Variants in CACNA1C observed in about 807,000 individuals in gnomAD.
CACNA1C encodes calcium voltage-gated channel subunit alpha1 C, also known as voltage-dependent L-type calcium channel subunit alpha-1C.
A neutral mutation model predicts 229.0 loss-of-function variants in CACNA1C; 30 were observed. The ratio of observed to expected loss-of-function variants is 0.13; its 90% confidence interval spans 0.10 to 0.18. The LOEUF is 0.18. Among genes scored for constraint, CACNA1C ranks in the 10% least tolerant of loss-of-function variants. The pLI is 1.00. For synonymous variants in CACNA1C, 1,114 were observed against 1,132.5 expected, an observed-to-expected ratio of 0.98 and a Z score of 0.33; for missense variants, 1,658 against 2,845.0, an observed-to-expected ratio of 0.58 and a Z score of 9.49.
chr12:2,642,358 A>G lies in CACNA1C; in HGVS notation c.3913-6117A>G, dbSNP rs572097814. ...GTGTAAGGGTGGGAGGAAGTTGCCT[A>G]GCACACCTTTTGTTGTGGCCAGACA... is the stretch of plus-strand genomic sequence containing the variant. On this transcript the variant is annotated intron_variant, in intron 30 of 46. Coordinates refer to ENST00000399655, the MANE Select transcript of CACNA1C (RefSeq NM_000719.7). 1.2e-3 allele frequency among the ~76,000 whole-genome samples: 189 copies of G among 152,244 alleles called. 1 individual carries two copies. Among genetic ancestry groups the G allele is most frequent in the African/African-American group, 4.4e-3 (181 of 41,530 alleles).
chr12:2,652,045 C>T (rs548040672), intron 32 of CACNA1C, among the ~76,000 whole-genome samples: 30 of 152,254 alleles, frequency 2.0e-4, no homozygotes, highest in African/African-American at 7.0e-4. Flanking sequence ...TTTTAACCAT[C>T]GTTTATGTCT....
In CACNA1C at chr12:2,410,886, C is replaced by T. The variant is rs1420865140; in HGVS notation, c.478-38090C>T. On this transcript the variant is annotated intron_variant, in intron 3 of 46. Coordinates refer to ENST00000399655, the MANE Select transcript of CACNA1C (RefSeq NM_000719.7). The surrounding 1 kb of genome is among the most constrained non-coding windows in gnomAD (Gnocchi z 5.3). ...ATGGCCTTCCTATCCTTCCCTTCTC[C>T]TGGCTGCCCTATCCTTCCCTTCTCC... is the stretch of plus-strand genomic sequence containing the variant. 6.8e-6 allele frequency among the ~76,000 whole-genome samples: 1 copy of T among 146,794 alleles called. No homozygotes were observed. The highest frequency in any genetic ancestry group is 1.9e-4 in the East Asian group (1 of 5,180).
intron 43 of CACNA1C, among the ~76,000 whole-genome samples, chr12:2,683,582 G>A (rs910025963): frequency 2.0e-5 from 3 of 152,236 alleles, no homozygotes; most frequent in African/African-American, 7.2e-5. Flanking sequence ...GTTTTCCCCA[G>A]GGGGTAATGC....
chr12:2,185,940 C>G, intron 3 of CACNA1C, among the ~76,000 whole-genome samples: 1 of 152,042 alleles, frequency 6.6e-6, no homozygotes, highest in East Asian at 1.9e-4. Context: ...CCGTGCCGAG[C>G]GCCCAATGCA....
At chr12:2,264,141 G>C (rs1470260858) in intron 3 of CACNA1C, among the ~76,000 whole-genome samples, 1 of 152,210 alleles carries the variant, frequency 6.6e-6, no homozygotes, top group African/African-American at 2.4e-5. Flanking sequence ...CCTCACAGGT[G>C]TGACTCCCAG....
At chr12:2,247,548 C>T (rs1248778092) in intron 3 of CACNA1C, among the ~76,000 whole-genome samples, 2 of 152,180 alleles carry the variant, frequency 1.3e-5, no homozygotes, top group South Asian at 2.1e-4. Context: ...GCCTGGTGGG[C>T]ACTTTGTCCC....
At chr12:2,150,491 A>G (rs1311673903) in intron 3 of CACNA1C, among the ~76,000 whole-genome samples, 3 of 152,152 alleles carry the variant, frequency 2.0e-5, no homozygotes, top group Non-Finnish European at 4.4e-5. Flanking sequence ...TGTTCACATC[A>G]TGATATTCCG....
intron 7 of CACNA1C, among the ~76,000 whole-genome samples, chr12:2,500,563 T>C (rs1252806466): frequency 4.6e-5 from 7 of 151,976 alleles, no homozygotes; most frequent in Admixed American, 4.6e-4. Context: ...AGAGGCAGCT[T>C]TGGGAGGGGA....
chr12:2,024,852 A>C (rs369988364), intron 1 of CACNA1C, among the ~76,000 whole-genome samples: 1 of 152,206 alleles, frequency 6.6e-6, no homozygotes, highest in East Asian at 1.9e-4. Flanking sequence ...GGCACCAATC[A>C]CCCATCCCTC....
At chr12:2,049,799 A>G (rs1005706226), upstream of CACNA1C, among the ~76,000 whole-genome samples, 4 of 152,178 alleles carry the variant, frequency 2.6e-5, no homozygotes, top group East Asian at 1.9e-4. Flanking sequence ...CAAATCCCCA[A>G]ATCGGAATTC....
intron 9 of CACNA1C, among the ~76,000 whole-genome samples, chr12:2,531,920 G>A (rs760815203): frequency 8.5e-5 from 13 of 152,118 alleles, no homozygotes; most frequent in Non-Finnish European, 1.5e-4. Flanking sequence ...CACACTCTCC[G>A]TGTAGGAACT....
chr12:2,079,224 A>G (rs2064489294), intron 1 of CACNA1C, among the ~76,000 whole-genome samples: 1 of 152,184 alleles, frequency 6.6e-6, no homozygotes, highest in African/African-American at 2.4e-5. Flanking sequence ...GCACATGTAT[A>G]CATATGTGAC....
chr12:2,654,049 A>C lies in CACNA1C; in HGVS notation c.4140+149A>C. 1.5e-6 allele frequency: 1 copy of C among 674,616 alleles called. No homozygotes were observed. Among genetic ancestry groups the C allele is most frequent in the South Asian group, 1.8e-5 (1 of 55,056 alleles). The allele number at this position is 674,616 out of a possible 1,614,324, so 41.8% of individuals were successfully genotyped here. On this transcript the variant is annotated intron_variant, in intron 33 of 46. Coordinates refer to ENST00000399655, the MANE Select transcript of CACNA1C (RefSeq NM_000719.7). The surrounding 1 kb of genome is among the most constrained non-coding windows in gnomAD (Gnocchi z 4.4). ...TCCTCTTCCATTTTCTGAGGCCCAAAAAGCCACAGGAATTGGAACTTTCCC... is the reference window on the plus strand; with the variant it reads ...TCCTCTTCCATTTTCTGAGGCCCAACAAGCCACAGGAATTGGAACTTTCCC...
chr12:2,023,272 G>C (rs775265831), intron 1 of CACNA1C, among the ~76,000 whole-genome samples: 6 of 152,178 alleles, frequency 3.9e-5, no homozygotes, highest in Non-Finnish European at 7.4e-5. Flanking sequence ...TACTGCCCTG[G>C]ACAGCCTCAG....
At chr12:2,326,836 C>T (rs1477787297) in intron 3 of CACNA1C, among the ~76,000 whole-genome samples, 3 of 152,218 alleles carry the variant, frequency 2.0e-5, no homozygotes, top group East Asian at 1.9e-4. Flanking sequence ...ACCTGAGAGA[C>T]GATCTGGTTC....
intron 10 of CACNA1C, among the ~76,000 whole-genome samples, chr12:2,554,086 C>T (rs1174960357): frequency 6.6e-6 from 1 of 152,206 alleles, no homozygotes; most frequent in East Asian, 1.9e-4. Flanking sequence ...ACATATGGCA[C>T]TCTTTCCTCT....
rs577088510 is a variant in CACNA1C, at chr12:2,679,394, G to T, written c.5092-50G>T. 1.5e-6 allele frequency: 2 copies of T among 1,337,996 alleles called. No individual in the cohort carries two copies. The highest frequency in any genetic ancestry group is 2.9e-5 in the African/African-American group (2 of 68,076). 82.9% of individuals were successfully genotyped at this position (1,337,996 alleles called of 1,614,324 possible). A position where few individuals can be genotyped will look rare whatever the true frequency, so the allele number is the denominator to read the frequency against. On this transcript the variant is annotated intron_variant, in intron 41 of 46. Coordinates refer to ENST00000399655, the MANE Select transcript of CACNA1C (RefSeq NM_000719.7). This position sits in a 1 kb window ranked among gnomAD's most constrained non-coding sequence, Gnocchi z 5.5. ...TGGCTGTGGAGGCTGCTCTCTGGGA[G>T]GAGTGGGTGCTAAGGGGCTTCTCCA...
chr12:2,576,987 G>A (rs765838945), intron 13 of CACNA1C, among the ~76,000 whole-genome samples: 3 of 152,202 alleles, frequency 2.0e-5, no homozygotes, highest in Non-Finnish European at 2.9e-5. Flanking sequence ...TAATTTGCAC[G>A]TTAGGAATGG....
rs183725388 is a variant in CACNA1C, at chr12:2,323,550, C to G, written c.478-125426C>G. Among the ~76,000 whole-genome samples the G allele has an allele frequency of 2.6e-5, 4 of 152,312 alleles. No homozygotes were observed. In the East Asian group the frequency reaches 7.7e-4, roughly 29 times the overall value. On this transcript the variant is annotated intron_variant, in intron 3 of 46. Coordinates refer to ENST00000399655, the MANE Select transcript of CACNA1C (RefSeq NM_000719.7). ...AGCTGGCCCCACCACACCTACCCCTCACCACCCTGTCCTCCCCTGCAGTGC... is the reference window on the plus strand; with the variant it reads ...AGCTGGCCCCACCACACCTACCCCTGACCACCCTGTCCTCCCCTGCAGTGC...
Sources: allele counts gnomAD v4.1 joint callset (sites outside exome capture counted in the v4.1 genomes callset), GRCh38; gene constraint gnomAD v4.1.1; non-coding constraint Gnocchi (gnomAD v3.1); transcripts MANE v1.5; gene names NCBI Gene and HGNC (gene_info 2026-07-23, HGNC 2026-07-21).